The following LEKR1 variants were observed in gnomAD, a reference collection of about 807,000 sequenced individuals.
The protein encoded by LEKR1 is leucine, glutamate and lysine rich 1.
LEKR1 carries 59 observed loss-of-function variants against 72.4 expected under a neutral mutation model. The ratio of observed to expected loss-of-function variants is 0.82; its 90% confidence interval spans 0.66 to 1.01. The LOEUF is 1.01. LEKR1 is among the 50% of genes least tolerant of loss of function. The probability of loss-of-function intolerance (pLI) is 0.00; values close to 1 mark genes in which losing one functional copy is unlikely to be tolerated. For synonymous variants in LEKR1, 257 were observed against 263.2 expected (o/e 0.98, Z 0.23); for missense variants, 728 against 759.2 (o/e 0.96, Z 0.48).
intron 3 of LEKR1, among the ~76,000 whole-genome samples, chr3:156,890,116 C>G (rs779320113): frequency 6.6e-6 from 1 of 152,144 alleles, no homozygotes; most frequent in Non-Finnish European, 1.5e-5. Flanking sequence ...CAATGCCTGG[C>G]ACTTGGTAAA....
At chr3:156,826,863 A>G (rs760858454) in intron 1 of LEKR1, 1 of 155,650 alleles carries the variant, frequency 6.4e-6, no homozygotes, top group Middle Eastern at 5.2e-4. Context: ...TCTTTACGTA[A>G]GGGCTTGAAA....
At chr3:157,028,870 C>A (rs1403389308) in intron 12 of LEKR1, among the ~76,000 whole-genome samples, 1 of 152,114 alleles carries the variant, frequency 6.6e-6, no homozygotes, top group Non-Finnish European at 1.5e-5. Flanking sequence ...ATGCATGCGT[C>A]GGTTTTCTTT....
chr3:156,845,690 TC>T (rs1714503367), intron 2 of LEKR1, among the ~76,000 whole-genome samples: 1 of 152,140 alleles, frequency 6.6e-6, no homozygotes, highest in Non-Finnish European at 1.5e-5. Context: ...GATCTATGTG[TC>T]CTTCCTTCTG....
intron 3 of LEKR1, among the ~76,000 whole-genome samples, chr3:156,915,419 A>ATT (rs146567181): frequency 0.03 from 4,404 of 147,358 alleles, 83 homozygotes; most frequent in South Asian, 0.067. Context: ...AGCATCTGTT[A>ATT]TTTTTTTTTT....
chr3:156,977,724 G>A (rs1305946451), intron 6 of LEKR1: 1 of 237,230 alleles, frequency 4.2e-6, no homozygotes, highest in Non-Finnish European at 9.0e-6. Flanking sequence ...AGACATTTCT[G>A]AAAACATACT....
At chr3:157,013,395 T>G (rs1004653394) in intron 10 of LEKR1, among the ~76,000 whole-genome samples, 1 of 152,104 alleles carries the variant, frequency 6.6e-6, no homozygotes, top group African/African-American at 2.4e-5. Context: ...TAACACAGAG[T>G]AAAACAAGTT....
chr3:157,005,647 A>C (rs2108018388), intron 9 of LEKR1, among the ~76,000 whole-genome samples: 1 of 152,302 alleles, frequency 6.6e-6, no homozygotes, highest in Admixed American at 6.5e-5. Context: ...ATATAGGATT[A>C]GTTTAACATA....
At chr3:156,987,796 ACTATTTTAATTAGTCTAGTAAATCAT>A (rs1453046161) in intron 7 of LEKR1, among the ~76,000 whole-genome samples, 6 of 152,094 alleles carry the variant, frequency 3.9e-5, no homozygotes, top group Non-Finnish European at 4.4e-5. Flanking sequence ...GATTTACTAG[ACTATTTTAATTAGTCTAGTAAATCAT>A]CTATTTTAAT....
chr3:156,846,559 G>A (rs1441076954), intron 2 of LEKR1, among the ~76,000 whole-genome samples: 1 of 151,854 alleles, frequency 6.6e-6, no homozygotes, highest in Non-Finnish European at 1.5e-5. Flanking sequence ...GTAGTCAGGT[G>A]GTCTGTTTGA....
At chr3:156,882,854 G>A (rs1001200434) in intron 3 of LEKR1, among the ~76,000 whole-genome samples, 18 of 151,842 alleles carry the variant, frequency 1.2e-4, no homozygotes, top group African/African-American at 4.3e-4. Flanking sequence ...CCTTTGTAGG[G>A]ACATGGATGA....
At chr3:156,960,577 T>G (rs1728034273) in intron 6 of LEKR1, among the ~76,000 whole-genome samples, 2 of 152,198 alleles carry the variant, frequency 1.3e-5, no homozygotes, top group Admixed American at 6.6e-5. Flanking sequence ...TGAGCCACCA[T>G]GCCTGGCCCA....
intron 10 of LEKR1, among the ~76,000 whole-genome samples, chr3:157,019,883 A>G (rs1394881701): frequency 6.6e-6 from 1 of 152,176 alleles, no homozygotes; most frequent in Non-Finnish European, 1.5e-5. Flanking sequence ...TCTCTGTGCT[A>G]ACACGTCAAC....
chr3:156,975,957 G>C (rs1460050598), intron 6 of LEKR1, among the ~76,000 whole-genome samples: 1 of 152,138 alleles, frequency 6.6e-6, no homozygotes, highest in Admixed American at 6.6e-5. Flanking sequence ...CTATAGAGAA[G>C]GACTGGGCAG....
chr3:156,840,871 A>G (rs1354134940), intron 2 of LEKR1, among the ~76,000 whole-genome samples: 3 of 152,228 alleles, frequency 2.0e-5, no homozygotes, highest in African/African-American at 7.2e-5. Flanking sequence ...GTGCTTATAT[A>G]TATTTGAAGA....
rs1270072349 is a variant in LEKR1 at position 156,899,857 on chromosome 3, T to C, written c.264-20718T>C. Among the ~76,000 whole-genome samples the C allele has an allele frequency of 2.6e-5, 4 of 151,660 alleles. No individual in the cohort carries two copies. In the East Asian group the frequency reaches 7.7e-4, roughly 29 times the overall value. ...ATGTACATATGTGTATATATGTATA[T>C]GTGCATGTGTGTATTTAGGTGTGCA... is the stretch of plus-strand genomic sequence containing the variant. On this transcript the variant is annotated intron_variant, in intron 3 of 12. Coordinates refer to ENST00000356539, the MANE Select transcript of LEKR1 (RefSeq NM_001004316.3).
chr3:156,891,759 C>G (rs1015287320), intron 3 of LEKR1, among the ~76,000 whole-genome samples: 4 of 152,060 alleles, frequency 2.6e-5, no homozygotes, highest in African/African-American at 2.4e-5. Context: ...CCATTCCCCC[C>G]ACAACATACC....
At chr3:156,940,304 T>C (rs1172301371) in intron 5 of LEKR1, among the ~76,000 whole-genome samples, 4 of 152,156 alleles carry the variant, frequency 2.6e-5, no homozygotes, top group Non-Finnish European at 5.9e-5. Flanking sequence ...TGTAAATTGC[T>C]GTGAGTTCCA....
At chr3:156,840,403 C>T (rs1476878141) in intron 2 of LEKR1, among the ~76,000 whole-genome samples, 1 of 152,138 alleles carries the variant, frequency 6.6e-6, no homozygotes. Flanking sequence ...GGCATTTTCC[C>T]CATATTTAGC....
At chr3:156,938,340 T>C (rs1323458855) in intron 5 of LEKR1, among the ~76,000 whole-genome samples, 1 of 152,210 alleles carries the variant, frequency 6.6e-6, no homozygotes, top group Non-Finnish European at 1.5e-5. Context: ...TGTAAATTTA[T>C]ACTTATTTCA....
Sources: gnomAD v4.1 joint callset for allele counts (sites outside exome capture counted in the v4.1 genomes callset) on GRCh38, gnomAD v4.1.1 for gene constraint, MANE v1.5 for transcripts, NCBI Gene and HGNC (gene_info 2026-07-23, HGNC 2026-07-21) for gene names.